Variants in EPHB1 observed in about 807,000 individuals in gnomAD.
EPHB1 encodes ephrin type-B receptor 1.
EPHB1 carries 30 observed loss-of-function variants against 94.4 expected under a neutral mutation model. The observed-to-expected ratio is 0.32, with a 90% CI of 0.24 to 0.43. EPHB1 has a LOEUF of 0.43. EPHB1 is among the 20% of genes least tolerant of loss of function. The pLI is 1.00. For missense variants in EPHB1, 1,055 were observed against 1,308.3 expected (o/e 0.81, Z 2.99); for synonymous variants, 522 against 489.1 (o/e 1.07, Z -0.89).
intron 1 of EPHB1, chr3:134,796,318 G>A: frequency 6.3e-6 from 1 of 159,908 alleles, no homozygotes; most frequent in Admixed American, 6.5e-5. Flanking sequence ...CTGCGGGACT[G>A]CAGGTTTCCA....
chr3:135,101,974 A>G (rs1447414942), intron 3 of EPHB1, among the ~76,000 whole-genome samples: 1 of 152,136 alleles, frequency 6.6e-6, no homozygotes, highest in Non-Finnish European at 1.5e-5. Context: ...TGGCTACCCC[A>G]TCTGCACCCT....
intron 1 of EPHB1, among the ~76,000 whole-genome samples, chr3:134,883,212 G>A (rs1027931852): frequency 9.9e-5 from 15 of 152,142 alleles, no homozygotes; most frequent in African/African-American, 3.6e-4. Context: ...TTTGAAGAAG[G>A]CAAAAGAAAC....
At chr3:135,205,143 G>A (rs1021772674) in intron 12 of EPHB1, among the ~76,000 whole-genome samples, 3 of 151,950 alleles carry the variant, frequency 2.0e-5, no homozygotes, top group Non-Finnish European at 4.4e-5. Context: ...TTTTATGGCT[G>A]AATAGTACTC....
chr3:134,958,485 C>A (rs1211910289), intron 3 of EPHB1, among the ~76,000 whole-genome samples: 1 of 150,958 alleles, frequency 6.6e-6, no homozygotes, highest in Non-Finnish European at 1.5e-5. Context: ...TCAAGGGCAC[C>A]AAGGAGCCCT....
At chr3:135,001,196 G>T (rs1035303634) in intron 3 of EPHB1, among the ~76,000 whole-genome samples, 1 of 152,100 alleles carries the variant, frequency 6.6e-6, no homozygotes, top group Non-Finnish European at 1.5e-5. Context: ...ACAGCCAGGC[G>T]GGGGAGCCTG....
At chr3:134,899,648 GT>G (rs2038159671) in intron 1 of EPHB1, among the ~76,000 whole-genome samples, 1 of 150,720 alleles carries the variant, frequency 6.6e-6, no homozygotes, top group African/African-American at 2.5e-5. Context: ...TGAAGCTTCT[GT>G]TTTTGTTTGT....
intron 3 of EPHB1, among the ~76,000 whole-genome samples, chr3:135,068,574 A>C (rs1452992411): frequency 6.6e-6 from 1 of 151,416 alleles, no homozygotes; most frequent in African/African-American, 2.4e-5. Context: ...TATGATTTAC[A>C]TATATTTTCT....
intron 4 of EPHB1, among the ~76,000 whole-genome samples, chr3:135,114,199 A>G (rs1022243891): frequency 2.0e-5 from 3 of 152,152 alleles, no homozygotes; most frequent in Non-Finnish European, 4.4e-5. Context: ...CATTTTAAAT[A>G]CTGATTTTTA....
intron 12 of EPHB1, among the ~76,000 whole-genome samples, chr3:135,225,507 C>T (rs1010231268): frequency 6.6e-6 from 1 of 152,138 alleles, no homozygotes; most frequent in Non-Finnish European, 1.5e-5. Context: ...AAATTGTTTG[C>T]GAGGCTCGCA....
intron 5 of EPHB1, among the ~76,000 whole-genome samples, chr3:135,147,873 C>T (rs895331355): frequency 1.3e-5 from 2 of 152,206 alleles, no homozygotes; most frequent in African/African-American, 4.8e-5. Flanking sequence ...GTCACAATTT[C>T]CACCCACACA....
chr3:134,936,227 G>A (rs942110772), intron 2 of EPHB1, among the ~76,000 whole-genome samples: 7 of 152,174 alleles, frequency 4.6e-5, no homozygotes, highest in Non-Finnish European at 7.3e-5. Context: ...AGTTGTGCAC[G>A]TGATAAGCAC....
intron 3 of EPHB1, among the ~76,000 whole-genome samples, chr3:135,061,249 C>G (rs1381472756): frequency 6.6e-6 from 1 of 152,052 alleles, no homozygotes; most frequent in African/African-American, 2.4e-5. Flanking sequence ...TACACGGCAT[C>G]CTATTTGTAG....
chr3:134,879,285 A>G (rs2037680082), intron 1 of EPHB1, among the ~76,000 whole-genome samples: 1 of 152,150 alleles, frequency 6.6e-6, no homozygotes, highest in Non-Finnish European at 1.5e-5. Context: ...GAAAAACCAA[A>G]ATCTGATCCA....
intron 1 of EPHB1, among the ~76,000 whole-genome samples, chr3:134,899,395 C>A (rs996764771): frequency 1.3e-4 from 20 of 152,110 alleles, no homozygotes; most frequent in African/African-American, 4.3e-4. Flanking sequence ...TGTTGACCCC[C>A]CAAAACACCC....
Position 134,961,866 on chromosome 3 carries a change from C to T in EPHB1, c.805+9814C>T, listed in dbSNP as rs551370234. The stretch of plus-strand genomic sequence containing the variant: ...CAATGTTGCAACAGATATCCTTGTG[C>T]ATCAGTCTTTGCACCTATATGTGAG... On this transcript the variant is annotated intron_variant, in intron 3 of 15. Transcript: ENST00000398015. Among the ~76,000 whole-genome samples the T allele has an allele frequency of 1.1e-4, 17 of 152,308 alleles. No individual in the cohort carries two copies. In the East Asian group the frequency reaches 3.3e-3, roughly 29 times the overall value.
chr3:135,049,855 T>C (rs755861884), intron 3 of EPHB1, among the ~76,000 whole-genome samples: 2 of 152,218 alleles, frequency 1.3e-5, no homozygotes, highest in Non-Finnish European at 2.9e-5. Flanking sequence ...GACTAACTTC[T>C]GGACCTGTGA....
intron 15 of EPHB1, among the ~76,000 whole-genome samples, chr3:135,253,964 T>C (rs1444241063): frequency 2.1e-5 from 3 of 142,312 alleles, no homozygotes; most frequent in Non-Finnish European, 4.6e-5. Context: ...TATTTTATTC[T>C]CTTTGAAGCA....
chr3:134,868,396 C>G (rs969113049), intron 1 of EPHB1, among the ~76,000 whole-genome samples: 1 of 152,118 alleles, frequency 6.6e-6, no homozygotes, highest in Non-Finnish European at 1.5e-5. Flanking sequence ...GAACTACCCC[C>G]TAAGTGTTGC....
intron 3 of EPHB1, among the ~76,000 whole-genome samples, chr3:135,056,204 A>C (rs1937342500): frequency 1.3e-5 from 2 of 152,204 alleles, no homozygotes; most frequent in African/African-American, 4.8e-5. Context: ...AAGCCCCCAT[A>C]GGGCTGGTGG....
Sources: gnomAD v4.1 joint callset for allele counts (sites outside exome capture counted in the v4.1 genomes callset) on GRCh38, gnomAD v4.1.1 for gene constraint, MANE v1.5 for transcripts, NCBI Gene and HGNC (gene_info 2026-07-23, HGNC 2026-07-21) for gene names.